SIM1: variants seen among roughly 807,000 people sequenced by gnomAD.
SIM1 encodes the protein SIM bHLH transcription factor 1.
In SIM1, 18 loss-of-function variants were observed where a neutral mutation model predicts 78.2. That is an observed-to-expected ratio of 0.23 (90% CI 0.16 to 0.34). The LOEUF is 0.34. Ranked by LOEUF, SIM1 falls within the 10% of genes least tolerant of loss-of-function variation. SIM1 has a pLI of 1.00. For missense variants in SIM1, 939 were observed against 975.1 expected, an observed-to-expected ratio of 0.96 and a Z score of 0.49; for synonymous variants, 417 against 385.2, an observed-to-expected ratio of 1.08 and a Z score of -0.97.
intron 10 of SIM1, among the ~76,000 whole-genome samples, chr6:100,409,110 T>G (rs1771128119): frequency 1.3e-5 from 2 of 151,984 alleles, no homozygotes; most frequent in Non-Finnish European, 2.9e-5. Context: ...CAGATTTTCT[T>G]TTTTTTTACA....
chr6:100,402,822 C>T (rs1770959502), intron 10 of SIM1, among the ~76,000 whole-genome samples: 1 of 152,020 alleles, frequency 6.6e-6, no homozygotes, highest in Non-Finnish European at 1.5e-5. Flanking sequence ...GTGATCCACC[C>T]GCCTCGGCCT....
chr6:100,432,937 G>T (rs1771939576), intron 9 of SIM1, among the ~76,000 whole-genome samples: 1 of 152,048 alleles, frequency 6.6e-6, no homozygotes, highest in Non-Finnish European at 1.5e-5. Context: ...TACCCAAGTT[G>T]CTCAGGCTAA....
chr6:100,457,546 A>G (rs1043479100), intron 2 of SIM1, among the ~76,000 whole-genome samples: 5 of 152,190 alleles, frequency 3.3e-5, no homozygotes, highest in Non-Finnish European at 7.3e-5. Context: ...TCCTCGCTAA[A>G]TGTGTACTGT....
intron 10 of SIM1, among the ~76,000 whole-genome samples, chr6:100,403,764 T>G (rs1416015299): frequency 6.6e-6 from 1 of 152,208 alleles, no homozygotes; most frequent in Non-Finnish European, 1.5e-5. Flanking sequence ...ATTACAACAA[T>G]AGTTACCATT....
At chr6:100,457,513 A>C (rs1474115632) in intron 2 of SIM1, among the ~76,000 whole-genome samples, 1 of 152,152 alleles carries the variant, frequency 6.6e-6, no homozygotes, top group Non-Finnish European at 1.5e-5. Flanking sequence ...CCCAAATCCC[A>C]TGTATCCTGC....
intron 10 of SIM1, among the ~76,000 whole-genome samples, chr6:100,400,143 A>G (rs1477641898): frequency 6.6e-6 from 1 of 152,080 alleles, no homozygotes; most frequent in African/African-American, 2.4e-5. Flanking sequence ...TACAAAGGAG[A>G]TATAGAAACA....
intron 11 of SIM1, 48 bp from the exon 12 acceptor site, chr6:100,391,139 C>T (rs1371656606): frequency 6.6e-7 from 1 of 1,520,712 alleles, no homozygotes; most frequent in Non-Finnish European, 8.8e-7. Flanking sequence ...AATTCACCCT[C>T]AAAATAAGTA....
intron 2 of SIM1, among the ~76,000 whole-genome samples, chr6:100,456,626 T>C (rs1772670948): frequency 6.6e-6 from 1 of 152,342 alleles, no homozygotes; most frequent in Non-Finnish European, 1.5e-5. Flanking sequence ...TTTTGGAAGA[T>C]TTCCAAGAAA....
chr6:100,431,506 T>C (rs750471763), intron 9 of SIM1, among the ~76,000 whole-genome samples: 3 of 152,230 alleles, frequency 2.0e-5, no homozygotes, highest in Admixed American at 2.0e-4. Flanking sequence ...TTAGTAGTAT[T>C]ATTCTGTGCT....
chr6:100,389,844 T>C lies in SIM1; in HGVS notation c.*517A>G. Reference sequence around the variant, plus strand: ...TTGAAACCACAAAGAAGTCAGTTTATAAGATGTATCTCTCTCTTTCTCAGT... The same window carrying C: ...TTGAAACCACAAAGAAGTCAGTTTACAAGATGTATCTCTCTCTTTCTCAGT... On this transcript the variant is annotated 3_prime_UTR_variant, in exon 12 of 12. Coordinates refer to ENST00000369208, the MANE Select transcript of SIM1 (RefSeq NM_005068.3). 1 of 398,784 alleles carries C rather than the reference T, an allele frequency of 2.5e-6. No homozygotes were observed. Among genetic ancestry groups the C allele is most frequent in the Admixed American group, 4.4e-5 (1 of 22,904 alleles). The allele number at this position is 398,784 out of a possible 1,614,324, so 24.7% of individuals were successfully genotyped here. A position where few individuals can be genotyped will look rare whatever the true frequency, so the allele number is the denominator to read the frequency against.
Position 100,448,476 on chromosome 6 carries a change from C to A in SIM1, c.743+3G>T. 6.2e-7 allele frequency: 1 copy of A among 1,613,516 alleles called. No homozygotes were observed. The highest frequency in any genetic ancestry group is 8.5e-7 in the Non-Finnish European group (1 of 1,179,846). The stretch of plus-strand genomic sequence containing the variant: ...GAGGCCCTTTCCGGCCCTGCCCACC[C>A]ACCTGGAGTCCAGAAAGATGAGCTT... On this transcript the variant is annotated splice_donor_region_variant and intron_variant, in intron 7 of 11. Coordinates refer to ENST00000369208, the MANE Select transcript of SIM1 (RefSeq NM_005068.3).
chr6:100,412,747 GAAAGAAA>G (rs869227671), intron 10 of SIM1, among the ~76,000 whole-genome samples: 2 of 127,666 alleles, frequency 1.6e-5, no homozygotes, highest in African/African-American at 2.9e-5. Context: ...AAGAAAGAAA[GAAAGAAA>G]AAAGAAAAGA....
chr6:100,393,386 AAAG>A lies in SIM1; in HGVS notation c.1570+98_1570+100del, dbSNP rs1178935694. The A allele has an allele frequency of 2.8e-6, 3 of 1,060,878 alleles. No homozygotes were observed. The African/African-American group carries it at 4.9e-5, about 17-fold the overall frequency. The allele number at this position is 1,060,878 out of a possible 1,614,324, so 65.7% of individuals were successfully genotyped here. A position where few individuals can be genotyped will look rare whatever the true frequency, so the allele number is the denominator to read the frequency against. On this transcript the variant is annotated intron_variant, in intron 11 of 11. Transcript: ENST00000369208. ...TCCCATTGGTTCTGATTTGTAAATC[AAAG>A]AAGATAACTATTTGGTCATTCACTC...
chr6:100,460,256 G>T (rs1772807603), intron 2 of SIM1, among the ~76,000 whole-genome samples: 1 of 152,022 alleles, frequency 6.6e-6, no homozygotes, highest in African/African-American at 2.4e-5. Context: ...AAAAAAAAAA[G>T]TGTATTCGGC....
chr6:100,402,138 T>C (rs1191370574), intron 10 of SIM1, among the ~76,000 whole-genome samples: 1 of 152,248 alleles, frequency 6.6e-6, no homozygotes, highest in East Asian at 1.9e-4. Flanking sequence ...GTATGTGTCA[T>C]GTAAAGGTCC....
chr6:100,411,547 T>C (rs1771191142), intron 10 of SIM1, among the ~76,000 whole-genome samples: 1 of 152,248 alleles, frequency 6.6e-6, no homozygotes, highest in African/African-American at 2.4e-5. Flanking sequence ...TCCCCTCTTC[T>C]TGGGGTTTTT....
At position 100,393,612 on chromosome 6, in the gene SIM1, G is replaced by A. The variant is rs199918816; in HGVS notation, c.1445C>T (p.Pro482Leu). The change falls in exon 11 of 12, where the codon CCG (proline) becomes CTG (leucine). Residue 482 changes from proline (P) to leucine (L), a missense_variant. Pro to Leu is a moderately conservative substitution (Grantham distance 98). Transcript: ENST00000369208. ...CCACCAGGGCTCCCTCCCGGCCTGC[G>A]GCGTTCCCAGGAAGTACCTGCCTGC... ...CEAGRYFLGTPQAGREPWWGS... is the reference protein window; with the variant it reads ...CEAGRYFLGTLQAGREPWWGS... 6 of 1,613,992 alleles carry A rather than the reference G, an allele frequency of 3.7e-6. No individual in the cohort carries two copies. The highest frequency in any genetic ancestry group is 1.1e-5 in the South Asian group (1 of 91,082).
intron 9 of SIM1, among the ~76,000 whole-genome samples, chr6:100,442,822 A>T (rs1388379602): frequency 6.6e-6 from 1 of 152,070 alleles, no homozygotes; most frequent in Admixed American, 6.5e-5. Flanking sequence ...TGAAAACCCA[A>T]ATTAACCCAG....
At chr6:100,398,850 T>C (rs900590943) in intron 10 of SIM1, among the ~76,000 whole-genome samples, 1 of 152,124 alleles carries the variant, frequency 6.6e-6, no homozygotes, top group Admixed American at 6.6e-5. Flanking sequence ...CCGTGCTGTT[T>C]TTCATAGAAG....
Sources: gnomAD v4.1 joint callset for allele counts (sites outside exome capture counted in the v4.1 genomes callset) on GRCh38, gnomAD v4.1.1 for gene constraint, MANE v1.5 for transcripts, NCBI Gene and HGNC (gene_info 2026-07-23, HGNC 2026-07-21) for gene names.